Variants in RSBN1L observed in about 807,000 individuals in gnomAD.
The protein encoded by RSBN1L is round spermatid basic protein 1 like.
A neutral mutation model predicts 67.7 loss-of-function variants in RSBN1L; 30 were observed. The observed-to-expected ratio is 0.44, with a 90% confidence interval of 0.33 to 0.60. RSBN1L has a LOEUF of 0.60. Ranked by LOEUF, RSBN1L falls within the 20% of genes least tolerant of loss-of-function variation. The pLI is 0.02. For synonymous variants in RSBN1L, 433 were observed against 387.0 expected, an observed-to-expected ratio of 1.12 and a Z score of -1.39; for missense variants, 992 against 1,031.7, an observed-to-expected ratio of 0.96 and a Z score of 0.53.
intron 1 of RSBN1L, among the ~76,000 whole-genome samples, chr7:77,726,378 A>T (rs1791203321): frequency 6.6e-6 from 1 of 152,018 alleles, no homozygotes; most frequent in Non-Finnish European, 1.5e-5. Context: ...GCTTTTAATG[A>T]CCTTGATTGT....
Position 77,725,244 on chromosome 7 carries a change from C to CTTTT in RSBN1L, c.587-11148_587-11145dup, listed in dbSNP as rs779531960. ...TTCTTCCCTAGGGATAAGCCCCCCA[C>CTTTT]TTTTTTTTTTTTTTTTTTTTTGAGA... On this transcript the variant is annotated intron_variant, in intron 1 of 7. Transcript: ENST00000334955. 7.9e-4 allele frequency among the ~76,000 whole-genome samples: 58 copies of CTTTT among 73,640 alleles called. 4 individuals carry two copies. The highest frequency in any genetic ancestry group is 3.2e-3 in the East Asian group (9 of 2,854). 48.3% of individuals were successfully genotyped at this position (73,640 alleles called of 152,430 possible). A position where few individuals can be genotyped will look rare whatever the true frequency, so the allele number is the denominator to read the frequency against.
chr7:77,780,915 G>T lies in RSBN1L; in HGVS notation c.*1747G>T, dbSNP rs964089962. The T allele has an allele frequency of 1.3e-5, 2 of 152,192 alleles. No individual in the cohort carries two copies. The highest frequency in any genetic ancestry group is 4.8e-5 in the African/African-American group (2 of 41,444). 9.4% of individuals were successfully genotyped at this position (152,192 alleles called of 1,614,324 possible). Reference sequence around the variant, plus strand: ...TGTATGCGTTGCTGTAAGAAACTCTGCTCATTGCAAATCTATTTTGTTTGT... The same window carrying T: ...TGTATGCGTTGCTGTAAGAAACTCTTCTCATTGCAAATCTATTTTGTTTGT... On this transcript the variant is annotated 3_prime_UTR_variant, in exon 8 of 8. Coordinates refer to ENST00000334955, the MANE Select transcript of RSBN1L (RefSeq NM_198467.3).
intron 2 of RSBN1L, among the ~76,000 whole-genome samples, chr7:77,748,468 G>A (rs1040466755): frequency 6.6e-6 from 1 of 152,082 alleles, no homozygotes. Context: ...AAGACACTAG[G>A]CATAGATGAT....
intron 5 of RSBN1L, among the ~76,000 whole-genome samples, chr7:77,772,467 A>G (rs2150434023): frequency 6.6e-6 from 1 of 152,370 alleles, no homozygotes; most frequent in South Asian, 2.1e-4. Flanking sequence ...CTAAGTAGGC[A>G]GCAACTTCTG....
chr7:77,755,971 C>G (rs764238373), intron 3 of RSBN1L, among the ~76,000 whole-genome samples: 4 of 152,160 alleles, frequency 2.6e-5, no homozygotes, highest in Non-Finnish European at 4.4e-5. Context: ...CTTTGTAATT[C>G]AGTAACTATC....
rs1791984676 is a variant in RSBN1L at position 77,780,426 on chromosome 7, TAGC to T, written c.*1259_*1261del. ...CTAATAGTTACGTGGCCAGATTACA[TAGC>T]CTACCATAGATTTTTTTTATTGTGT... On this transcript the variant is annotated 3_prime_UTR_variant, in exon 8 of 8. Coordinates refer to ENST00000334955, the MANE Select transcript of RSBN1L (RefSeq NM_198467.3). 1 of 152,154 alleles carries T rather than the reference TAGC, an allele frequency of 6.6e-6. No individual in the cohort carries two copies. Among genetic ancestry groups the T allele is most frequent in the African/African-American group, 2.4e-5 (1 of 41,434 alleles). The allele number at this position is 152,154 out of a possible 1,614,324, so 9.4% of individuals were successfully genotyped here. A position where few individuals can be genotyped will look rare whatever the true frequency, so the allele number is the denominator to read the frequency against.
Position 77,724,727 on chromosome 7 carries a change from T to C in RSBN1L, c.587-11683T>C, listed in dbSNP as rs1376990628. Among the ~76,000 whole-genome samples the C allele has an allele frequency of 6.1e-5, 9 of 146,718 alleles. No homozygotes were observed. The East Asian group carries it at 8.5e-4, about 14-fold the overall frequency. On this transcript the variant is annotated intron_variant, in intron 1 of 7. Transcript: ENST00000334955. Reference sequence around the variant, plus strand: ...AGACATGGGCCACTGCGCCCGGCCATGAATCCCTTTCTATTGTAGAAGTTT... The same window carrying C: ...AGACATGGGCCACTGCGCCCGGCCACGAATCCCTTTCTATTGTAGAAGTTT...
chr7:77,732,869 C>G (rs1349089921), intron 1 of RSBN1L, among the ~76,000 whole-genome samples: 1 of 152,272 alleles, frequency 6.6e-6, no homozygotes, highest in Admixed American at 6.5e-5. Context: ...AACTGGAGAT[C>G]TGAAAGTTTG....
chr7:77,736,372 T>C, intron 1 of RSBN1L, 38 bp from the exon 2 acceptor site: 1 of 911,474 alleles, frequency 1.1e-6, no homozygotes, highest in Non-Finnish European at 1.5e-6. Context: ...AAGTTGTAAT[T>C]TTTTCATTTT....
chr7:77,764,709 C>T lies in RSBN1L; in HGVS notation c.1345-786C>T, dbSNP rs1791739511. Among the ~76,000 whole-genome samples the T allele has an allele frequency of 1.3e-5, 2 of 151,954 alleles. 1 individual carries two copies. The highest frequency in any genetic ancestry group is 1.3e-4 in the Admixed American group (2 of 15,248). On this transcript the variant is annotated intron_variant, in intron 3 of 7. Transcript: ENST00000334955. ...TGGCACAATCTCGGCTCATTGCAAG[C>T]TCCGCCACCCAGGTTCACGCCATTC... is the stretch of plus-strand genomic sequence containing the variant.
Position 77,697,070 on chromosome 7 carries a change from G to T in RSBN1L, c.586+15G>T. 4 of 1,386,688 alleles carry T rather than the reference G, an allele frequency of 2.9e-6. No homozygotes were observed. The East Asian group carries it at 1.2e-4, about 40-fold the overall frequency. 85.9% of individuals were successfully genotyped at this position (1,386,688 alleles called of 1,614,324 possible). On this transcript the variant is annotated intron_variant, in intron 1 of 7. Transcript: ENST00000334955. ...GCTGCCCCGAGGTGGGTGCCGTGCG[G>T]GGAGGGGGAGGGGAGGGCGCCGTGG...
chr7:77,705,872 C>G (rs1248261470), intron 1 of RSBN1L, among the ~76,000 whole-genome samples: 1 of 151,712 alleles, frequency 6.6e-6, no homozygotes, highest in Non-Finnish European at 1.5e-5. Flanking sequence ...ATATCCAATT[C>G]CCTAATTGTC....
chr7:77,701,272 C>G (rs762670710), intron 1 of RSBN1L, among the ~76,000 whole-genome samples: 4 of 151,382 alleles, frequency 2.6e-5, no homozygotes, highest in Middle Eastern at 3.2e-3. Context: ...GCATAGCTGT[C>G]ACCTTGGGAC....
intron 1 of RSBN1L, among the ~76,000 whole-genome samples, chr7:77,727,579 A>G (rs1408951376): frequency 6.6e-6 from 1 of 151,916 alleles, no homozygotes; most frequent in Non-Finnish European, 1.5e-5. Context: ...AGTTAGTAGC[A>G]GGGACTACAG....
intron 1 of RSBN1L, among the ~76,000 whole-genome samples, chr7:77,713,536 T>G (rs1791004787): frequency 6.6e-6 from 1 of 152,034 alleles, no homozygotes; most frequent in African/African-American, 2.4e-5. Context: ...TTTTGTATTT[T>G]TAGTAGAGAC....
chr7:77,701,176 ACAAC>A (rs1790813625), intron 1 of RSBN1L, among the ~76,000 whole-genome samples: 22 of 134,540 alleles, frequency 1.6e-4, no homozygotes, highest in African/African-American at 5.7e-4. Flanking sequence ...AAAAACAACA[ACAAC>A]AACAACAACA....
chr7:77,775,866 G>A (rs2150434982), intron 6 of RSBN1L, among the ~76,000 whole-genome samples: 2 of 152,204 alleles, frequency 1.3e-5, no homozygotes, highest in East Asian at 3.9e-4. Context: ...GACCAGCCTG[G>A]GCAACATGGT....
chr7:77,728,694 C>T (rs949784794), intron 1 of RSBN1L, among the ~76,000 whole-genome samples: 5 of 152,206 alleles, frequency 3.3e-5, no homozygotes, highest in Non-Finnish European at 7.3e-5. Context: ...TGTTTTCCTG[C>T]AGGAGAACAC....
intron 4 of RSBN1L, among the ~76,000 whole-genome samples, chr7:77,768,023 G>T (rs1448308911): frequency 6.6e-6 from 1 of 150,636 alleles, no homozygotes; most frequent in Non-Finnish European, 1.5e-5. Flanking sequence ...GCTAATTTTT[G>T]TATTTTGTAG....
Sources: allele counts gnomAD v4.1 joint callset (sites outside exome capture counted in the v4.1 genomes callset), GRCh38; gene constraint gnomAD v4.1.1; transcripts MANE v1.5; gene names NCBI Gene and HGNC (gene_info 2026-07-23, HGNC 2026-07-21).